ZNF611: variants seen among roughly 807,000 people sequenced by gnomAD.
ZNF611 encodes the protein zinc finger protein 611.
In ZNF611, 6 loss-of-function variants were observed where a neutral mutation model predicts 8.9. That is an observed-to-expected ratio of 0.68 (90% CI 0.37 to 1.34). The LOEUF is 1.34. ZNF611 is among the 40% of genes most tolerant of loss of function. The pLI is 0.02. For synonymous variants in ZNF611, 262 were observed against 279.7 expected (o/e 0.94, Z 0.63); for missense variants, 874 against 841.3 (o/e 1.04, Z -0.48).
rs55649603 is a variant in ZNF611, at chr19:52,712,456, T to TAAAAAAAAAAAAAA, written c.190+1545_190+1558dup. ...ATGCATGGTGAAACACTGTCTCTAC[T>TAAAAAAAAAAAAAA]AAAAAAAAAAAAAAAAAAAAAAAAA... On this transcript the variant is annotated intron_variant, in intron 5 of 5. Transcript: ENST00000652185. Among the ~76,000 whole-genome samples, 4 of 37,466 alleles carry TAAAAAAAAAAAAAA rather than the reference T, an allele frequency of 1.1e-4. 1 individual carries two copies. Among genetic ancestry groups the TAAAAAAAAAAAAAA allele is most frequent in the African/African-American group, 4.4e-4 (4 of 8,998 alleles). The allele number at this position is 37,466 out of a possible 152,430, so 24.6% of individuals were successfully genotyped here.
chr19:52,733,574 C>T (rs2062438774), intron 1 of ZNF611, among the ~76,000 whole-genome samples: 1 of 23,196 alleles, frequency 4.3e-5, no homozygotes, highest in Non-Finnish European at 1.0e-4. Flanking sequence ...AGTGTGGAGA[C>T]TACAGACTAC....
chr19:52,723,110 C>T (rs2062370409), intron 3 of ZNF611, among the ~76,000 whole-genome samples: 1 of 151,612 alleles, frequency 6.6e-6, no homozygotes, highest in Non-Finnish European at 1.5e-5. Context: ...CTCCCCTTCT[C>T]TTTCTAGCTC....
chr19:52,734,905 G>A (rs1189419922), intron 1 of ZNF611, 96 bp downstream of exon 1: 1 of 152,362 alleles, frequency 6.6e-6, no homozygotes, highest in Non-Finnish European at 1.5e-5. Context: ...GAAGACGCCG[G>A]AGAATTTCCA....
At chr19:52,712,432 T>C (rs1022522504) in intron 5 of ZNF611, among the ~76,000 whole-genome samples, 6 of 115,718 alleles carry the variant, frequency 5.2e-5, no homozygotes, top group African/African-American at 1.7e-4. Context: ...CTGGCCAGCA[T>C]GCATGGTGAA....
rs369886130 is a variant in ZNF611 at position 52,706,719 on chromosome 19, G to A, written c.336C>T (p.Asp112=). The A allele has an allele frequency of 4.0e-5, 65 of 1,613,866 alleles. No individual in the cohort carries two copies. In the African/African-American group the frequency reaches 6.8e-4, roughly 17 times the overall value. ...CATCTTCTTGACACTGAAACTCAAT[G>A]TCATGAATTTCTTTCTCAATTTCCT... ...CFQEIEKEIH[D]IEFQCQEDER... Residue 112 remains aspartate (D), a synonymous_variant, in exon 6 of 6, where the codon GAC becomes GAT. Coordinates refer to ENST00000652185, the MANE Select transcript of ZNF611 (RefSeq NM_001161499.2).
At chr19:52,718,593 A>G (rs750457656) in intron 3 of ZNF611, among the ~76,000 whole-genome samples, 1 of 151,166 alleles carries the variant, frequency 6.6e-6, no homozygotes, top group African/African-American at 2.4e-5. Context: ...GAGGTCAGGA[A>G]TTCAAGACCA....
chr19:52,720,359 C>T (rs545461107), intron 3 of ZNF611, among the ~76,000 whole-genome samples: 18 of 150,046 alleles, frequency 1.2e-4, no homozygotes, highest in Admixed American at 6.0e-4. Context: ...CCCACCTCCC[C>T]GACGGGGCGG....
rs1831062091 is a variant in ZNF611 at position 52,705,122 on chromosome 19, T to C, written c.1933A>G (p.Thr645Ala). The change falls in exon 6 of 6, where the codon ACT becomes GCT. Residue 645 changes from threonine (T) to alanine (A), a missense_variant. By Grantham distance (58) the Thr-to-Ala change is moderately conservative (BLOSUM62 0). Coordinates refer to ENST00000652185, the MANE Select transcript of ZNF611 (RefSeq NM_001161499.2). Reference sequence around the variant, plus strand: ...GTACATTTGTAAGATTTCTCTCCAGTATGAAGTCTACGATGGTATATAAGG... The same window carrying C: ...GTACATTTGTAAGATTTCTCTCCAGCATGAAGTCTACGATGGTATATAAGG... ...SSLIYHRRLH[T>A]GEKSYKCTIC... is the part of the protein sequence containing the mutation. 6.2e-7 allele frequency: 1 copy of C among 1,613,790 alleles called. No homozygotes were observed. Among genetic ancestry groups the C allele is most frequent in the South Asian group, 1.1e-5 (1 of 91,072 alleles).
intron 1 of ZNF611, among the ~76,000 whole-genome samples, chr19:52,734,141 C>T (rs1420216470): frequency 6.6e-6 from 1 of 151,640 alleles, no homozygotes; most frequent in Non-Finnish European, 1.5e-5. Context: ...TCTATCTAGC[C>T]TTTCTCTACA....
chr19:52,725,677 G>A (rs1481385084), intron 3 of ZNF611, among the ~76,000 whole-genome samples: 1 of 152,154 alleles, frequency 6.6e-6, no homozygotes, highest in Non-Finnish European at 1.5e-5. Flanking sequence ...GAAGTGCCAG[G>A]GACCTGGGAA....
At chr19:52,733,717 T>C (rs113556702) in intron 1 of ZNF611, among the ~76,000 whole-genome samples, 6,759 of 151,966 alleles carry the variant, frequency 0.044, 490 homozygotes, top group African/African-American at 0.15. Flanking sequence ...GATTCTGCTC[T>C]TCATTTTGTA....
intron 3 of ZNF611, among the ~76,000 whole-genome samples, chr19:52,716,998 A>G (rs1600318596): frequency 6.6e-6 from 1 of 151,622 alleles, no homozygotes; most frequent in African/African-American, 2.4e-5. Flanking sequence ...GTGCCACTGC[A>G]CTCCAGCCTG....
Position 52,720,669 on chromosome 19 carries a change from C to T in ZNF611, c.-19-4756G>A, listed in dbSNP as rs548009433. 1.7e-3 allele frequency among the ~76,000 whole-genome samples: 225 copies of T among 131,594 alleles called. 4 individuals are homozygous for T. Among genetic ancestry groups the T allele is most frequent in the African/African-American group, 6.5e-3 (195 of 29,822 alleles). 86.3% of individuals were successfully genotyped at this position (131,594 alleles called of 152,430 possible). ...GGTGCTCCTCACATCTCAGACGGGG[C>T]GGCTGCTGGGCAGAGGCGCTCCCCA... On this transcript the variant is annotated intron_variant, in intron 3 of 5. Coordinates refer to ENST00000652185, the MANE Select transcript of ZNF611 (RefSeq NM_001161499.2).
At chr19:52,711,896 C>G (rs113094312) in intron 5 of ZNF611, among the ~76,000 whole-genome samples, 4,390 of 150,654 alleles carry the variant, frequency 0.029, 183 homozygotes, top group African/African-American at 0.1. Context: ...CAAGGGTGGA[C>G]GGCAGGAAGT....
At chr19:52,727,211 T>C (rs8104332) in intron 3 of ZNF611, among the ~76,000 whole-genome samples, 5,605 of 152,190 alleles carry the variant, frequency 0.037, 312 homozygotes, top group African/African-American at 0.12. Context: ...GAAAATATAA[T>C]TGAGAAACAA....
At chr19:52,723,173 C>A (rs1475918760) in intron 3 of ZNF611, among the ~76,000 whole-genome samples, 2 of 151,352 alleles carry the variant, frequency 1.3e-5, no homozygotes, top group Non-Finnish European at 2.9e-5. Context: ...GTACCTCTCT[C>A]CTCTCCTGCA....
rs771181273 is a variant in ZNF611 at position 52,704,979 on chromosome 19, G to T, written c.2076C>A (p.His692Gln). 5.0e-5 allele frequency: 80 copies of T among 1,614,078 alleles called. No homozygotes were observed. Among genetic ancestry groups the T allele is most frequent in the Non-Finnish European group, 6.6e-5 (78 of 1,180,006 alleles). Residue 692 changes from histidine (H) to glutamine (Q), a missense_variant, in exon 6 of 6, where the codon CAC becomes CAA. Physicochemically the swap from His to Gln is conservative, Grantham distance 24. Transcript: ENST00000652185. Reference sequence around the variant, plus strand: ...TATGAATTCTATGATGACGTGAAAGGTGTGATTGTTGATTAAAAGCCTTCC... The same window carrying T: ...TATGAATTCTATGATGACGTGAAAGTTGTGATTGTTGATTAAAAGCCTTCC... ...ECGKAFNQQS[H>Q]LSRHHRIHTG...
intron 3 of ZNF611, among the ~76,000 whole-genome samples, chr19:52,719,403 A>T (rs972211964): frequency 1.3e-5 from 2 of 152,150 alleles, no homozygotes; most frequent in East Asian, 3.9e-4. Context: ...CTAACGAGTC[A>T]AGTCACTGTC....
At position 52,706,045 on chromosome 19, in the gene ZNF611, T is replaced by G. The variant is rs370949640; in HGVS notation, c.1010A>C (p.Asp337Ala). Residue 337 changes from aspartate (D) to alanine (A), a missense_variant, in exon 6 of 6, where the codon GAT (aspartate) becomes GCT (alanine). Transcript: ENST00000652185. ...NSALLIDKAI[D>A]TGENPYKCNE... ...ACACTTGTAAGGATTTTCTCCAGTA[T>G]CAATTGCCTTATCAATTAGAAGGGC... The G allele has an allele frequency of 1.7e-5, 28 of 1,614,138 alleles. No homozygotes were observed. Among genetic ancestry groups the G allele is most frequent in the Non-Finnish European group, 2.4e-5 (28 of 1,180,002 alleles).
Sources: allele counts gnomAD v4.1 joint callset (sites outside exome capture counted in the v4.1 genomes callset), GRCh38; gene constraint gnomAD v4.1.1; transcripts MANE v1.5; gene names NCBI Gene and HGNC (gene_info 2026-07-23, HGNC 2026-07-21).